DSN1: variants seen among roughly 807,000 people sequenced by gnomAD.
DSN1 encodes the protein DSN1 component of MIS12 kinetochore complex, also known as kinetochore-associated protein DSN1 homolog.
In DSN1, 31 loss-of-function variants were observed where a neutral mutation model predicts 45.7. The observed-to-expected ratio is 0.68, with a 90% confidence interval of 0.51 to 0.92. The LOEUF (loss-of-function observed/expected upper bound fraction) is 0.92. DSN1 is among the 40% of genes least tolerant of loss of function. DSN1 has a pLI of 0.00. For synonymous variants in DSN1, 134 were observed against 142.3 expected, an observed-to-expected ratio of 0.94 and a Z score of 0.41; for missense variants, 394 against 414.2, an observed-to-expected ratio of 0.95 and a Z score of 0.42.
chr20:36,763,759 T>G (rs1026052525), intron 5 of DSN1, among the ~76,000 whole-genome samples: 3 of 151,600 alleles, frequency 2.0e-5, no homozygotes, highest in Admixed American at 6.6e-5. Flanking sequence ...TGGTTGCGCA[T>G]GCCTGTTGTC....
chr20:36,762,935 G>A (rs1987079853), intron 5 of DSN1, among the ~76,000 whole-genome samples: 1 of 152,108 alleles, frequency 6.6e-6, no homozygotes, highest in African/African-American at 2.4e-5. Flanking sequence ...TGTATTTTCT[G>A]TGGAAATGGG....
chr20:36,771,349 A>G (rs1269694658), intron 2 of DSN1, 76 bp downstream of exon 2: 5 of 1,527,216 alleles, frequency 3.3e-6, no homozygotes, highest in Non-Finnish European at 3.6e-6. Flanking sequence ...ATCTACCAGG[A>G]GCCAGGAAAG....
In DSN1 at chr20:36,762,483, T is replaced by C; in HGVS notation, c.568A>G (p.Lys190Glu). ...TACCCATTTGAATCTTCAAAACATT[T>C]TTGTAGAGTTCCATCAGTTTCCAGT... ...DGLETDGTLQKCFEDSNGKAS... is the reference protein window; with the variant it reads ...DGLETDGTLQECFEDSNGKAS... Residue 190 changes from lysine to glutamate, a missense_variant, in exon 6 of 11, where the codon AAA becomes GAA. Transcript: ENST00000373750. 1 of 1,613,746 alleles carries C rather than the reference T, an allele frequency of 6.2e-7. No individual in the cohort carries two copies. Among genetic ancestry groups the C allele is most frequent in the Non-Finnish European group, 8.5e-7 (1 of 1,179,842 alleles).
intron 1 of DSN1, among the ~76,000 whole-genome samples, chr20:36,772,142 A>C (rs1987682064): frequency 6.6e-6 from 1 of 151,806 alleles, no homozygotes; most frequent in Non-Finnish European, 1.5e-5. Flanking sequence ...AGGCCTCCCA[A>C]AGTCTGGGAT....
At chr20:36,755,184 G>C (rs908502304) in intron 9 of DSN1, among the ~76,000 whole-genome samples, 3 of 152,084 alleles carry the variant, frequency 2.0e-5, no homozygotes, top group African/African-American at 7.2e-5. Flanking sequence ...TCCTCCCTTT[G>C]AGTCCTAGGA....
intron 6 of DSN1, among the ~76,000 whole-genome samples, chr20:36,761,445 C>G (rs1014559415): frequency 6.6e-6 from 1 of 152,166 alleles, no homozygotes; most frequent in African/African-American, 2.4e-5. Flanking sequence ...ACATAAGACG[C>G]TGAATCCGCT....
chr20:36,762,673 A>C (rs1987065720), intron 5 of DSN1, 125 bp from the exon 6 acceptor site: 1 of 701,898 alleles, frequency 1.4e-6, no homozygotes, highest in South Asian at 2.3e-5. Flanking sequence ...CCTCAAGCCC[A>C]CCCAAAAGTG....
At chr20:36,773,520 C>A in intron 1 of DSN1, 142 bp downstream of exon 1, 1 of 986,032 alleles carries the variant, frequency 1.0e-6, no homozygotes, top group South Asian at 4.6e-5. Flanking sequence ...CCCCCAGTGT[C>A]CACGGTCGGG....
intron 5 of DSN1, among the ~76,000 whole-genome samples, chr20:36,765,372 A>G (rs1987262878): frequency 6.6e-6 from 1 of 151,944 alleles, no homozygotes; most frequent in Non-Finnish European, 1.5e-5. Flanking sequence ...CCTGACCAAC[A>G]TGGAGAAACC....
chr20:36,768,078 T>C (rs534146241), intron 3 of DSN1, 36 bp from the exon 4 acceptor site: 14 of 1,601,304 alleles, frequency 8.7e-6, no homozygotes, highest in Admixed American at 5.1e-5. Flanking sequence ...AGGAGCTGGA[T>C]AGTTACATAG....
At chr20:36,758,050 A>C (rs1986771409) in intron 8 of DSN1, 37 bp downstream of exon 8, 1 of 1,582,290 alleles carries the variant, frequency 6.3e-7, no homozygotes, top group Admixed American at 1.7e-5. Flanking sequence ...AAACTCCATA[A>C]GATTTTTAAA....
At chr20:36,771,289 G>T in intron 2 of DSN1, 96 bp from the exon 3 acceptor site, 1 of 1,478,726 alleles carries the variant, frequency 6.8e-7, no homozygotes, top group Non-Finnish European at 9.2e-7. Context: ...CCCCTAGATC[G>T]TGGAAACATA....
At chr20:36,765,865 A>C (rs1231049880) in intron 5 of DSN1, among the ~76,000 whole-genome samples, 1 of 148,318 alleles carries the variant, frequency 6.7e-6, no homozygotes, top group African/African-American at 2.5e-5. Context: ...AAAAAAAAAC[A>C]AAAAACAACA....
rs113415477 is a variant in DSN1 at position 36,764,658 on chromosome 20, C to T, written c.503-2110G>A. ...CATGAGGCTGAGCCATGGTGGCTCG[C>T]GCCTATAATCCCAACACTTTGGGAA... On this transcript the variant is annotated intron_variant, in intron 5 of 10. Coordinates refer to ENST00000373750, the MANE Select transcript of DSN1 (RefSeq NM_001145315.2). Among the ~76,000 whole-genome samples, 10 of 152,156 alleles carry T rather than the reference C, an allele frequency of 6.6e-5. 1 individual carries two copies. The highest frequency in any genetic ancestry group is 2.6e-4 in the Admixed American group (4 of 15,276).
At chr20:36,760,912 A>G (rs1986947506) in intron 6 of DSN1, among the ~76,000 whole-genome samples, 1 of 152,104 alleles carries the variant, frequency 6.6e-6, no homozygotes, top group South Asian at 2.1e-4. Context: ...AAAAAAAGAG[A>G]TGCTACTTTA....
At chr20:36,758,228 A>T in intron 7 of DSN1, 67 bp from the exon 8 acceptor site, 1 of 1,426,244 alleles carries the variant, frequency 7.0e-7, no homozygotes, top group Non-Finnish European at 9.8e-7. Context: ...TCACAGTAAC[A>T]ATAAGTATGT....
chr20:36,761,586 C>T (rs1351759118), intron 6 of DSN1, among the ~76,000 whole-genome samples: 1 of 151,640 alleles, frequency 6.6e-6, no homozygotes, highest in East Asian at 1.9e-4. Flanking sequence ...AATAGGCCGG[C>T]GCGGTGGCTC....
At chr20:36,754,995 C>T (rs1986596639) in intron 9 of DSN1, 145 bp from the exon 10 acceptor site, 1 of 671,838 alleles carries the variant, frequency 1.5e-6, no homozygotes, top group Non-Finnish European at 2.5e-6. Context: ...TCTGTTTGTT[C>T]CTCCAAAGTC....
chr20:36,766,096 A>T (rs969255768), intron 5 of DSN1, among the ~76,000 whole-genome samples: 3 of 147,354 alleles, frequency 2.0e-5, no homozygotes, highest in Non-Finnish European at 3.0e-5. Flanking sequence ...CAGGAGGCTG[A>T]GGCAGGAGAA....
Sources: gnomAD v4.1 joint callset for allele counts (sites outside exome capture counted in the v4.1 genomes callset) on GRCh38, gnomAD v4.1.1 for gene constraint, MANE v1.5 for transcripts, NCBI Gene and HGNC (gene_info 2026-07-23, HGNC 2026-07-21) for gene names.